The following NFIB variants were observed in gnomAD, a reference collection of about 807,000 sequenced individuals.
The protein encoded by NFIB is nuclear factor I B.
Under a neutral mutation model 61.5 loss-of-function variants are expected in NFIB, and 11 were observed. That is an observed-to-expected ratio of 0.18 (90% CI 0.11 to 0.30). NFIB has a LOEUF of 0.30. Among genes scored for constraint, NFIB ranks in the 10% least tolerant of loss-of-function variants. The probability of loss-of-function intolerance (pLI) is 1.00; values close to 1 mark genes in which losing one functional copy is unlikely to be tolerated. For missense variants in NFIB, 471 were observed against 608.9 expected, an observed-to-expected ratio of 0.77 and a Z score of 2.38; for synonymous variants, 260 against 216.5, an observed-to-expected ratio of 1.20 and a Z score of -1.76.
intron 1 of NFIB, among the ~76,000 whole-genome samples, chr9:14,310,141 A>G (rs998204620): frequency 5.3e-5 from 8 of 152,232 alleles, no homozygotes; most frequent in African/African-American, 1.4e-4. Context: ...TATTTTAAAC[A>G]ACCAAAATTC....
chr9:14,113,430 T>G (rs1040332047), intron 9 of NFIB, among the ~76,000 whole-genome samples: 1 of 152,298 alleles, frequency 6.6e-6, no homozygotes, highest in East Asian at 1.9e-4. Context: ...CAGATAGTAG[T>G]TGTCTAATAT....
chr9:14,524,248 A>G, the NFIB span, among the ~76,000 whole-genome samples: 4 of 152,164 alleles, frequency 2.6e-5, no homozygotes, highest in East Asian at 7.7e-4. Flanking sequence ...TTCACACATA[A>G]TAAGTGCCAT....
intron 2 of NFIB, among the ~76,000 whole-genome samples, chr9:14,199,993 T>C (rs1416720452): frequency 6.6e-6 from 1 of 152,156 alleles, no homozygotes; most frequent in African/African-American, 2.4e-5. Flanking sequence ...GAAGGGATTG[T>C]CCAAATAAAC....
intron 2 of NFIB, among the ~76,000 whole-genome samples, chr9:14,273,455 T>C (rs978520708): frequency 2.0e-5 from 3 of 152,186 alleles, no homozygotes; most frequent in Admixed American, 2.0e-4. Context: ...AGGTTACAGT[T>C]ATACATCCCA....
the NFIB span, among the ~76,000 whole-genome samples, chr9:14,519,344 GA>G: frequency 6.6e-6 from 1 of 152,208 alleles, no homozygotes; most frequent in Non-Finnish European, 1.5e-5. Flanking sequence ...GAGTTTAGGG[GA>G]AAAATGAAAT....
the NFIB span, among the ~76,000 whole-genome samples, chr9:14,432,802 C>T: frequency 6.6e-6 from 1 of 152,198 alleles, no homozygotes; most frequent in Non-Finnish European, 1.5e-5. Context: ...ATTTTACTTA[C>T]TTCATAATGC....
chr9:14,175,872 C>T (rs572666478), intron 3 of NFIB, among the ~76,000 whole-genome samples: 1 of 152,280 alleles, frequency 6.6e-6, no homozygotes, highest in East Asian at 1.9e-4. Flanking sequence ...AAACTACCAG[C>T]CTTCCTGAAC....
the NFIB span, among the ~76,000 whole-genome samples, chr9:14,421,788 T>C: frequency 6.6e-6 from 1 of 152,218 alleles, no homozygotes; most frequent in African/African-American, 2.4e-5. Context: ...TGCATATTCT[T>C]TGTACCAAAG....
At position 14,100,965 on chromosome 9, in the gene NFIB, AAG is replaced by A. The variant is rs1012102469; in HGVS notation, c.1467+12032_1467+12033del. Reference sequence around the variant, plus strand: ...TGTTAACTGATAGAGCATGAAATATAAGAGAGTTATTCAATAAAATATGGAAA... The same window carrying A: ...TGTTAACTGATAGAGCATGAAATATAAGAGTTATTCAATAAAATATGGAAA... On this transcript the variant is annotated intron_variant, in intron 10 of 10. Coordinates refer to ENST00000380953, the MANE Select transcript of NFIB (RefSeq NM_001190737.2). 9.5e-4 allele frequency among the ~76,000 whole-genome samples: 144 copies of A among 152,230 alleles called. 1 individual carries two copies. The highest frequency in any genetic ancestry group is 4.7e-4 in the Non-Finnish European group (32 of 68,042).
intron 3 of NFIB, 113 bp from the exon 4 acceptor site, chr9:14,156,006 T>C (rs2131216853): frequency 5.6e-6 from 3 of 538,456 alleles, no homozygotes; most frequent in Non-Finnish European, 9.5e-6. Flanking sequence ...AAACCAAATA[T>C]GCTTACAATA....
At chr9:14,370,400 GA>G (rs1564036193) in intron 1 of NFIB, among the ~76,000 whole-genome samples, 1 of 152,046 alleles carries the variant, frequency 6.6e-6, no homozygotes, top group South Asian at 2.1e-4. Context: ...TTTTAGTCAA[GA>G]AAAAATTGTA....
rs1392665870 is a variant in NFIB at position 14,087,564 on chromosome 9, CTTTTTTCT to C, written c.*737_*744del. 4.4e-6 allele frequency: 1 copy of C among 226,180 alleles called. No individual in the cohort carries two copies. Among genetic ancestry groups the C allele is most frequent in the African/African-American group, 2.2e-5 (1 of 44,706 alleles). The allele number at this position is 226,180 out of a possible 1,614,324, so 14.0% of individuals were successfully genotyped here. A position where few individuals can be genotyped will look rare whatever the true frequency, so the allele number is the denominator to read the frequency against. On this transcript the variant is annotated 3_prime_UTR_variant, in exon 11 of 11. Transcript: ENST00000380953. ...CCTTTGTGTTCAAACTGTTTTTTTC[CTTTTTTCT>C]TTTTTTCCTTTTTTTTTCATTTTTT... is the stretch of plus-strand genomic sequence containing the variant.
chr9:14,497,593 C>T, the NFIB span, among the ~76,000 whole-genome samples: 1 of 152,188 alleles, frequency 6.6e-6, no homozygotes, highest in African/African-American at 2.4e-5. Context: ...GCAAATGAGG[C>T]ACTTTACAAA....
chr9:14,484,287 G>A, the NFIB span, among the ~76,000 whole-genome samples: 1 of 152,126 alleles, frequency 6.6e-6, no homozygotes, highest in Non-Finnish European at 1.5e-5. Flanking sequence ...TTGGCAACTG[G>A]TTTACTTTTA....
chr9:14,276,857 G>C (rs2058038882), intron 2 of NFIB, among the ~76,000 whole-genome samples: 1 of 151,926 alleles, frequency 6.6e-6, no homozygotes, highest in African/African-American at 2.4e-5. Context: ...ACTGAATTCA[G>C]ATTATGTGCT....
At chr9:14,528,634 A>T in the NFIB span, among the ~76,000 whole-genome samples, 1 of 152,144 alleles carries the variant, frequency 6.6e-6, no homozygotes, top group African/African-American at 2.4e-5. Flanking sequence ...CCTGGTTCTG[A>T]TGGGATCAAA....
At chr9:14,302,964 G>C (rs552141997) in intron 2 of NFIB, among the ~76,000 whole-genome samples, 1 of 152,164 alleles carries the variant, frequency 6.6e-6, no homozygotes, top group East Asian at 1.9e-4. Flanking sequence ...TAGGCTTTTG[G>C]TTGATTTTCC....
chr9:14,332,247 C>T (rs1483150264), intron 1 of NFIB, among the ~76,000 whole-genome samples: 3 of 149,258 alleles, frequency 2.0e-5, no homozygotes, highest in East Asian at 2.0e-4. Context: ...GCAGGAGAAT[C>T]GCTTGAACCT....
At chr9:14,271,115 C>A (rs767219784) in intron 2 of NFIB, among the ~76,000 whole-genome samples, 14 of 151,816 alleles carry the variant, frequency 9.2e-5, no homozygotes, top group Non-Finnish European at 2.1e-4. Flanking sequence ...CCCACCCCAA[C>A]AAAATCTGGC....
Sources: allele counts gnomAD v4.1 joint callset (sites outside exome capture counted in the v4.1 genomes callset), GRCh38; gene constraint gnomAD v4.1.1; transcripts MANE v1.5; gene names NCBI Gene and HGNC (gene_info 2026-07-23, HGNC 2026-07-21).